The following AK7 variants were observed in gnomAD, a reference collection of about 807,000 sequenced individuals.
The protein encoded by AK7 is ATP-AMP transphosphorylase 7.
Under a neutral mutation model 96.6 loss-of-function variants are expected in AK7, and 78 were observed. The observed-to-expected ratio is 0.81, with a 90% CI of 0.67 to 0.97. AK7 has a LOEUF of 0.97. Among genes scored for constraint, AK7 ranks in the 50% least tolerant of loss-of-function variants. AK7 has a pLI of 0.00. For missense variants in AK7, 855 were observed against 887.9 expected (o/e 0.96, Z 0.47); for synonymous variants, 302 against 317.2 (o/e 0.95, Z 0.51).
In AK7 at chr14:96,483,169, C is replaced by T. The variant is rs770765268; in HGVS notation, c.1924C>T (p.His642Tyr). ...GGCTGCTGAGGAAGCAGAACGCGAGCACCAGGAGGCCGTGGAGATGGCAGA... is the reference window on the plus strand; with the variant it reads ...GGCTGCTGAGGAAGCAGAACGCGAGTACCAGGAGGCCGTGGAGATGGCAGA... ...REAAEEAERE[H>Y]QEAVEMAEKI... Residue 642 changes from histidine to tyrosine, a missense_variant, in exon 16 of 18, where the codon CAC becomes TAC. His to Tyr is a moderately conservative substitution (Grantham distance 83). Coordinates refer to ENST00000267584, the MANE Select transcript of AK7 (RefSeq NM_152327.5). 6 of 1,613,084 alleles carry T rather than the reference C, an allele frequency of 3.7e-6. No individual in the cohort carries two copies. Among genetic ancestry groups the T allele is most frequent in the Non-Finnish European group, 3.4e-6 (4 of 1,179,656 alleles).
intron 15 of AK7, among the ~76,000 whole-genome samples, chr14:96,479,169 C>T (rs531282934): frequency 2.6e-5 from 4 of 152,032 alleles, no homozygotes; most frequent in East Asian, 3.9e-4. Context: ...CTCCGCCTCC[C>T]GGGTTCACGC....
chr14:96,450,667 C>T (rs564772462), intron 9 of AK7, among the ~76,000 whole-genome samples: 1 of 151,052 alleles, frequency 6.6e-6, no homozygotes, highest in East Asian at 1.9e-4. Flanking sequence ...TGCATCTAAA[C>T]ACTGCACTGG....
intron 2 of AK7, 83 bp from the exon 3 acceptor site, chr14:96,404,674 T>G (rs1890602695): frequency 1.1e-6 from 1 of 907,242 alleles, no homozygotes; most frequent in Non-Finnish European, 1.8e-6. Context: ...AGCATATGTA[T>G]TTTGAAAATT....
intron 2 of AK7, among the ~76,000 whole-genome samples, chr14:96,404,292 G>A (rs962689952): frequency 6.6e-6 from 1 of 151,880 alleles, no homozygotes; most frequent in Non-Finnish European, 1.5e-5. Flanking sequence ...CTGTAATAAG[G>A]TACCTTACAT....
Position 96,478,460 on chromosome 14 carries a change from C to T in AK7, c.1556-5C>T, listed in dbSNP as rs1895308220. On this transcript the variant is annotated splice_polypyrimidine_tract_variant and splice_region_variant and intron_variant, in intron 14 of 17. Coordinates refer to ENST00000267584, the MANE Select transcript of AK7 (RefSeq NM_152327.5). Reference sequence around the variant, plus strand: ...GCCAACTCTGGAGTCTGTCCTTCTCCCCAGAATTCGTTTGTGCACTGGATG... The same window carrying T: ...GCCAACTCTGGAGTCTGTCCTTCTCTCCAGAATTCGTTTGTGCACTGGATG... 6.2e-7 allele frequency: 1 copy of T among 1,613,970 alleles called. No homozygotes were observed. The highest frequency in any genetic ancestry group is 1.1e-5 in the South Asian group (1 of 91,086).
chr14:96,408,993 G>A (rs536494334), intron 4 of AK7, 52 bp downstream of exon 4: 1 of 1,573,582 alleles, frequency 6.4e-7, no homozygotes, highest in African/African-American at 1.3e-5. Flanking sequence ...ATAACACCTT[G>A]TAATCTGTGT....
chr14:96,415,780 ATTT>A (rs1342804630), intron 4 of AK7, among the ~76,000 whole-genome samples: 3 of 149,416 alleles, frequency 2.0e-5, no homozygotes, highest in East Asian at 1.9e-4. Context: ...AATTAAATTA[ATTT>A]AATACATTAA....
At chr14:96,455,855 CT>C (rs1893867938) in intron 10 of AK7, among the ~76,000 whole-genome samples, 1 of 152,088 alleles carries the variant, frequency 6.6e-6, no homozygotes, top group Non-Finnish European at 1.5e-5. Context: ...GGCAGTCACC[CT>C]GGTGGTGGTG....
intron 5 of AK7, among the ~76,000 whole-genome samples, chr14:96,432,517 G>A (rs184398112): frequency 1.3e-5 from 2 of 152,206 alleles, no homozygotes; most frequent in East Asian, 1.9e-4. Context: ...TTTTGCAGTG[G>A]CTGTTAGCGG....
At chr14:96,468,180 T>G (rs1295415932) in intron 12 of AK7, among the ~76,000 whole-genome samples, 1 of 141,804 alleles carries the variant, frequency 7.1e-6, no homozygotes, top group Non-Finnish European at 1.5e-5. Context: ...ATCCCAACAC[T>G]GCACTCTAGC....
rs191969235 is a variant in AK7, at chr14:96,421,987, G to C, written c.609+1055G>C. On this transcript the variant is annotated intron_variant, in intron 5 of 17. Coordinates refer to ENST00000267584, the MANE Select transcript of AK7 (RefSeq NM_152327.5). ...CTCTTTGTTCCCAGGCGGATTGGCA[G>C]GTTGAGAAATAATAGACACACACAA... Among the ~76,000 whole-genome samples, 102 of 152,304 alleles carry C rather than the reference G, an allele frequency of 6.7e-4. 1 individual carries two copies. Among genetic ancestry groups the C allele is most frequent in the Non-Finnish European group, 1.2e-3 (79 of 68,038 alleles).
At chr14:96,421,212 G>A (rs1416211514) in intron 5 of AK7, among the ~76,000 whole-genome samples, 23 of 152,134 alleles carry the variant, frequency 1.5e-4, no homozygotes, top group Admixed American at 1.5e-3. Context: ...ATGGGGAACA[G>A]GGGAACCACA....
At chr14:96,479,201 C>T (rs1304405696) in intron 15 of AK7, among the ~76,000 whole-genome samples, 4 of 152,120 alleles carry the variant, frequency 2.6e-5, no homozygotes, top group Non-Finnish European at 5.9e-5. Context: ...CTCAGCCTCC[C>T]GAGTAGCTGG....
rs1327120220 is a variant in AK7, at chr14:96,456,413, A to G, written c.1165A>G (p.Asn389Asp). Residue 389 changes from asparagine to aspartate, a missense_variant, in exon 11 of 18, where the codon AAC (asparagine) becomes GAC (aspartate). By Grantham distance (23) the Asn-to-Asp change is conservative. Transcript: ENST00000267584. ...ATCCAGTATTGCTAAAGAATTGGCC[A>G]ACTACTACAAACTGCATCACATCCA... ...GKSSIAKELA[N>D]YYKLHHIQLK... 6.2e-7 allele frequency: 1 copy of G among 1,613,974 alleles called. No homozygotes were observed. The highest frequency in any genetic ancestry group is 1.7e-5 in the Admixed American group (1 of 60,002).
intron 3 of AK7, 34 bp from the exon 4 acceptor site, chr14:96,408,813 G>T: frequency 6.2e-7 from 1 of 1,607,352 alleles, no homozygotes; most frequent in Non-Finnish European, 8.5e-7. Flanking sequence ...TTGTGCATGG[G>T]TCCAAATAAC....
intron 8 of AK7, among the ~76,000 whole-genome samples, chr14:96,448,335 A>C (rs1455347288): frequency 6.6e-6 from 1 of 152,042 alleles, no homozygotes; most frequent in African/African-American, 2.4e-5. Flanking sequence ...TGGGAAGTGC[A>C]AGATCAAGGC....
At chr14:96,438,122 CG>C (rs1892751395) in intron 6 of AK7, among the ~76,000 whole-genome samples, 1 of 152,158 alleles carries the variant, frequency 6.6e-6, no homozygotes. Context: ...ATGAAAAAGA[CG>C]TATCTCCTTT....
At chr14:96,425,912 A>G (rs1892002926) in intron 5 of AK7, among the ~76,000 whole-genome samples, 1 of 152,022 alleles carries the variant, frequency 6.6e-6, no homozygotes. Flanking sequence ...TTACAGGTAG[A>G]GTGTGTTTCT....
intron 3 of AK7, among the ~76,000 whole-genome samples, chr14:96,405,926 C>T (rs1321923211): frequency 6.6e-6 from 1 of 152,078 alleles, no homozygotes; most frequent in African/African-American, 2.4e-5. Flanking sequence ...TGTTTTGAGA[C>T]AAGATCTTGC....
Sources: gnomAD v4.1 joint callset for allele counts (sites outside exome capture counted in the v4.1 genomes callset) on GRCh38, gnomAD v4.1.1 for gene constraint, MANE v1.5 for transcripts, NCBI Gene and HGNC (gene_info 2026-07-23, HGNC 2026-07-21) for gene names.